Variants in TYW1B observed in about 807,000 individuals in gnomAD.
The protein encoded by TYW1B is tRNA-yW synthesizing protein 1 homolog B.
In TYW1B, 73 loss-of-function variants were observed where a neutral mutation model predicts 86.9. The ratio of observed to expected loss-of-function variants is 0.84; its 90% CI spans 0.70 to 1.02. The LOEUF (loss-of-function observed/expected upper bound fraction) is 1.02, where lower values mean the gene tolerates loss of function less well. TYW1B is among the 50% of genes least tolerant of loss of function. The probability of loss-of-function intolerance (pLI) is 0.00; values close to 1 mark genes in which losing one functional copy is unlikely to be tolerated. For synonymous variants in TYW1B, 248 were observed against 292.8 expected (o/e 0.85, Z 1.56); for missense variants, 637 against 827.4 (o/e 0.77, Z 2.82).
chr7:72,731,649 C>A (rs181223317), intron 8 of TYW1B, among the ~76,000 whole-genome samples: 1,775 of 152,176 alleles, frequency 0.012, 19 homozygotes, highest in Non-Finnish European at 0.019. Flanking sequence ...CCACACAAAC[C>A]AAAACCAAAA....
intron 11 of TYW1B, among the ~76,000 whole-genome samples, chr7:72,671,847 C>CTT (rs34112293): frequency 6.9e-6 from 1 of 145,280 alleles, no homozygotes; most frequent in African/African-American, 2.5e-5. Context: ...TTTAAAAAGT[C>CTT]TTTTTTTTTT....
chr7:72,619,277 G>C (rs1812156271), intron 12 of TYW1B, among the ~76,000 whole-genome samples: 1 of 152,132 alleles, frequency 6.6e-6, no homozygotes, highest in African/African-American at 2.4e-5. Context: ...CAGAGCATCA[G>C]GCAGTGAGCC....
At chr7:72,679,024 C>A (rs1458595255) in intron 11 of TYW1B, among the ~76,000 whole-genome samples, 9 of 152,012 alleles carry the variant, frequency 5.9e-5, no homozygotes, top group African/African-American at 2.2e-4. Context: ...ATTACTTGAG[C>A]CCAGGAGGTT....
intron 11 of TYW1B, among the ~76,000 whole-genome samples, chr7:72,680,670 A>G (rs1585898403): frequency 6.6e-6 from 1 of 152,152 alleles, no homozygotes; most frequent in Admixed American, 6.6e-5. Flanking sequence ...CATCTACCCT[A>G]TTAGTTCTGT....
intron 11 of TYW1B, among the ~76,000 whole-genome samples, chr7:72,631,820 A>G (rs1478092385): frequency 5.9e-5 from 9 of 152,098 alleles, no homozygotes; most frequent in Admixed American, 1.3e-4. Context: ...AATGAATCCC[A>G]ACCCATGTAC....
chr7:72,798,342 G>T (rs561508503), intron 6 of TYW1B, among the ~76,000 whole-genome samples: 4 of 151,796 alleles, frequency 2.6e-5, no homozygotes, highest in African/African-American at 9.7e-5. Context: ...AGTGAGCCGA[G>T]ATCGCGCCAC....
intron 11 of TYW1B, among the ~76,000 whole-genome samples, chr7:72,681,451 G>A (rs1471276327): frequency 2.6e-5 from 4 of 152,076 alleles, no homozygotes; most frequent in African/African-American, 9.7e-5. Context: ...ACCCAGAAGT[G>A]CCCAATGCAG....
Position 72,777,677 on chromosome 7 carries a change from A to G in TYW1B, c.847-144T>C, listed in dbSNP as rs1238928132. On this transcript the variant is annotated intron_variant, in intron 6 of 13. Transcript: ENST00000620995. Reference sequence around the variant, plus strand: ...ACGCCTGTAATCCCAGCATTTTAGAAGGCCAGGGTAGGCGGATCACCTGAG... The same window carrying G: ...ACGCCTGTAATCCCAGCATTTTAGAGGGCCAGGGTAGGCGGATCACCTGAG... The G allele has an allele frequency of 1.7e-4, 162 of 971,280 alleles. 4 individuals carry two copies. In the Admixed American group the frequency reaches 4.5e-3, roughly 27 times the overall value. The allele number at this position is 971,280 out of a possible 1,614,324, so 60.2% of individuals were successfully genotyped here.
At chr7:72,665,244 C>G (rs1585887129) in intron 11 of TYW1B, among the ~76,000 whole-genome samples, 1 of 152,334 alleles carries the variant, frequency 6.6e-6, no homozygotes, top group Middle Eastern at 3.4e-3. Flanking sequence ...ACTGTCTACT[C>G]AAAATGAAGG....
At position 72,651,540 on chromosome 7, in the gene TYW1B, G is replaced by A. The variant is rs1461018954; in HGVS notation, c.1507-22543C>T. 7.9e-5 allele frequency among the ~76,000 whole-genome samples: 12 copies of A among 152,234 alleles called. No individual in the cohort carries two copies. The East Asian group carries it at 9.6e-4, about 12-fold the overall frequency. ...TGAGGCAGGAGAATTGCTTGAACCC[G>A]GGAGGCAGAGGTGGCAGTGAGCCGA... On this transcript the variant is annotated intron_variant, in intron 11 of 13. Coordinates refer to ENST00000620995, the MANE Select transcript of TYW1B (RefSeq NM_001145440.3).
rs1346704601 is a variant in TYW1B, at chr7:72,574,726, A to T, written c.*772T>A. 40 of 985,394 alleles carry T rather than the reference A, an allele frequency of 4.1e-5. No individual in the cohort carries two copies. The highest frequency in any genetic ancestry group is 4.7e-5 in the Non-Finnish European group (39 of 829,950). 61.0% of individuals were successfully genotyped at this position (985,394 alleles called of 1,614,324 possible). Reference sequence around the variant, plus strand: ...CGTGATATGAGAGGCCCGGACAGTGACCTCACGAACAAAAAGAAATGATCC... The same window carrying T: ...CGTGATATGAGAGGCCCGGACAGTGTCCTCACGAACAAAAAGAAATGATCC... On this transcript the variant is annotated 3_prime_UTR_variant, in exon 14 of 14. Transcript: ENST00000620995.
intron 3 of TYW1B, among the ~76,000 whole-genome samples, chr7:72,813,255 G>A (rs1156229010): frequency 1.3e-4 from 19 of 145,714 alleles, no homozygotes; most frequent in African/African-American, 4.9e-4. Context: ...GGCTCACTGC[G>A]ACCTCCACCT....
At chr7:72,639,847 C>T (rs1281667344) in intron 11 of TYW1B, among the ~76,000 whole-genome samples, 1 of 134,130 alleles carries the variant, frequency 7.5e-6, no homozygotes, top group Non-Finnish European at 1.5e-5. Flanking sequence ...GCCTGGGCAA[C>T]AGAGTGAGAC....
intron 7 of TYW1B, among the ~76,000 whole-genome samples, chr7:72,755,952 C>T (rs1787579120): frequency 6.6e-6 from 1 of 151,908 alleles, no homozygotes; most frequent in Non-Finnish European, 1.5e-5. Flanking sequence ...CAGGGGCAGT[C>T]CAAGAGAAAA....
chr7:72,717,812 T>A (rs1485925845), intron 9 of TYW1B, among the ~76,000 whole-genome samples: 5 of 152,218 alleles, frequency 3.3e-5, no homozygotes, highest in Admixed American at 2.0e-4. Flanking sequence ...TATCATCTCA[T>A]ACTAGTCAGA....
intron 11 of TYW1B, among the ~76,000 whole-genome samples, chr7:72,662,474 GATAA>G (rs1554444630): frequency 2.9e-3 from 434 of 150,894 alleles, no homozygotes; most frequent in Middle Eastern, 6.8e-3. Flanking sequence ...TAGATAGATA[GATAA>G]ATTTTTTTCC....
intron 13 of TYW1B, among the ~76,000 whole-genome samples, chr7:72,609,360 A>G (rs1327836711): frequency 1.3e-5 from 2 of 152,066 alleles, no homozygotes; most frequent in Non-Finnish European, 2.9e-5. Flanking sequence ...GGAGTTTGAC[A>G]GCAGCCTGGC....
At position 72,642,089 on chromosome 7, in the gene TYW1B, T is replaced by C. The variant is rs115953672; in HGVS notation, c.1507-13092A>G. 6.6e-3 allele frequency among the ~76,000 whole-genome samples: 1,009 copies of C among 152,290 alleles called. 10 individuals are homozygous for C. The highest frequency in any genetic ancestry group is 0.021 in the African/African-American group (866 of 41,558). ...TAAAACCCATACACTTAGCGGCCAATTGATTTTGACAAGGGTACAAAGACA... is the reference window on the plus strand; with the variant it reads ...TAAAACCCATACACTTAGCGGCCAACTGATTTTGACAAGGGTACAAAGACA... On this transcript the variant is annotated intron_variant, in intron 11 of 13. Transcript: ENST00000620995.
At chr7:72,579,224 G>A (rs1811093119) in intron 13 of TYW1B, among the ~76,000 whole-genome samples, 2 of 152,240 alleles carry the variant, frequency 1.3e-5, no homozygotes, top group Middle Eastern at 6.8e-3. Flanking sequence ...CACTTCTAAT[G>A]CAGTTTGAAA....
Sources: allele counts gnomAD v4.1 joint callset (sites outside exome capture counted in the v4.1 genomes callset), GRCh38; gene constraint gnomAD v4.1.1; transcripts MANE v1.5; gene names NCBI Gene and HGNC (gene_info 2026-07-23, HGNC 2026-07-21).